The following TGM4 variants were observed in gnomAD, a reference collection of about 807,000 sequenced individuals.
TGM4 encodes protein-glutamine gamma-glutamyltransferase 4.
In TGM4, 61 loss-of-function variants were observed where a neutral mutation model predicts 76.3. The observed-to-expected ratio is 0.80, with a 90% CI of 0.65 to 0.99. The LOEUF (loss-of-function observed/expected upper bound fraction) is 0.99, where lower values mean the gene tolerates loss of function less well. Ranked by LOEUF, TGM4 falls within the 50% of genes least tolerant of loss-of-function variation. The pLI is 0.00. For synonymous variants in TGM4, 337 were observed against 329.8 expected, an observed-to-expected ratio of 1.02 and a Z score of -0.24; for missense variants, 794 against 843.2, an observed-to-expected ratio of 0.94 and a Z score of 0.72.
intron 4 of TGM4, 72 bp from the exon 5 acceptor site, chr3:44,893,505 A>G: frequency 7.7e-7 from 1 of 1,295,816 alleles, no homozygotes; most frequent in Non-Finnish European, 1.1e-6. Flanking sequence ...CAGCACAGAC[A>G]GTCCCCATTG....
intron 10 of TGM4, among the ~76,000 whole-genome samples, chr3:44,909,010 C>G (rs1699964519): frequency 6.6e-6 from 1 of 152,218 alleles, no homozygotes; most frequent in African/African-American, 2.4e-5. Context: ...TGTTTAACAA[C>G]TTCTCTGATA....
intron 9 of TGM4, among the ~76,000 whole-genome samples, chr3:44,905,685 C>T (rs1240031833): frequency 6.6e-6 from 1 of 152,212 alleles, no homozygotes; most frequent in Non-Finnish European, 1.5e-5. Flanking sequence ...GCAATGTGAG[C>T]CCACATGGCC....
chr3:44,878,747 G>T (rs969236696), intron 1 of TGM4, among the ~76,000 whole-genome samples: 5 of 152,066 alleles, frequency 3.3e-5, no homozygotes, highest in Non-Finnish European at 5.9e-5. Context: ...CTCCCAAAAT[G>T]CTGGGATTAC....
intron 3 of TGM4, chr3:44,888,294 C>T (rs572109436): frequency 6.2e-6 from 1 of 161,608 alleles, no homozygotes; most frequent in South Asian, 1.7e-4. Context: ...ACAGTTGTCT[C>T]CAATCTTCCA....
chr3:44,903,854 G>A (rs370090829), intron 8 of TGM4, 30 bp from the exon 9 acceptor site: 200 of 1,606,870 alleles, frequency 1.2e-4, no homozygotes, highest in Non-Finnish European at 1.6e-4. Context: ...GGGGTGGTCC[G>A]GGGTGGGGCC....
In TGM4 at chr3:44,903,803, G is replaced by A. The variant is rs1461564482; in HGVS notation, c.972-81G>A. 4.6e-6 allele frequency: 6 copies of A among 1,297,444 alleles called. No homozygotes were observed. The African/African-American group carries it at 7.3e-5, about 16-fold the overall frequency. The allele number at this position is 1,297,444 out of a possible 1,614,324, so 80.4% of individuals were successfully genotyped here. ...TCAGTGGGTCCCCGGTGATGAAGATGTCTCTGGCAATTTTGGCGTATTTAT... is the reference window on the plus strand; with the variant it reads ...TCAGTGGGTCCCCGGTGATGAAGATATCTCTGGCAATTTTGGCGTATTTAT... On this transcript the variant is annotated intron_variant, in intron 8 of 13. Transcript: ENST00000296125.
chr3:44,878,466 T>G (rs1471240074), intron 1 of TGM4, among the ~76,000 whole-genome samples: 1 of 142,872 alleles, frequency 7.0e-6, no homozygotes, highest in Non-Finnish European at 1.5e-5. Flanking sequence ...TTATTATTAT[T>G]ATTATTATTA....
chr3:44,887,332 C>T (rs551550394), intron 2 of TGM4, among the ~76,000 whole-genome samples: 6 of 152,272 alleles, frequency 3.9e-5, no homozygotes, highest in South Asian at 2.1e-4. Context: ...CCCTGCATTG[C>T]GTGGAGTGAA....
In TGM4 at chr3:44,913,649, A is replaced by G. The variant is rs749937089; in HGVS notation, c.1979A>G (p.Lys660Arg). The G allele has an allele frequency of 1.9e-6, 3 of 1,614,218 alleles. No homozygotes were observed. Among genetic ancestry groups the G allele is most frequent in the Non-Finnish European group, 2.5e-6 (3 of 1,180,036 alleles). ...IKCTPIKTGP[K>R]KFIVKLSSKQ... is the part of the protein sequence containing the mutation. ...TGCACCCCAATAAAAACTGGACCCA[A>G]GAAATTTATCGTCAAGTTAAGTTCC... Residue 660 changes from lysine to arginine, a missense_variant, in exon 14 of 14, where the codon AAG becomes AGG. Physicochemically the swap from Lys to Arg is conservative, Grantham distance 26. Transcript: ENST00000296125.
At chr3:44,912,416 C>CAT (rs1491575866) in intron 13 of TGM4, among the ~76,000 whole-genome samples, 1 of 152,068 alleles carries the variant, frequency 6.6e-6, no homozygotes, top group African/African-American at 2.4e-5. Context: ...TGTCAATTCC[C>CAT]ATATATATCT....
In TGM4 at chr3:44,910,437, C is replaced by G; in HGVS notation, c.1606+69C>G. The G allele has an allele frequency of 2.0e-6, 3 of 1,535,946 alleles. No homozygotes were observed. The South Asian group carries it at 3.7e-5, about 19-fold the overall frequency. ...TCCCACAATCTGAAATCCCTCTTCT[C>G]CTCTGTGGACAACTTCCATACATTG... On this transcript the variant is annotated intron_variant, in intron 11 of 13. Transcript: ENST00000296125.
chr3:44,905,435 C>G (rs550000495), intron 9 of TGM4, among the ~76,000 whole-genome samples: 1 of 152,304 alleles, frequency 6.6e-6, no homozygotes, highest in East Asian at 1.9e-4. Flanking sequence ...ACTCCTGCAG[C>G]CCCTGAAGTA....
chr3:44,910,623 T>C (rs1699990732), intron 11 of TGM4, among the ~76,000 whole-genome samples: 1 of 152,170 alleles, frequency 6.6e-6, no homozygotes, highest in Non-Finnish European at 1.5e-5. Context: ...GAAAGTGTCA[T>C]GAGAAGTCTT....
At chr3:44,896,920 T>C in intron 6 of TGM4, 104 bp downstream of exon 6, 1 of 835,732 alleles carries the variant, frequency 1.2e-6, no homozygotes, top group Admixed American at 2.1e-5. Context: ...AGTACACCAC[T>C]GTGCTATGGC....
chr3:44,898,440 A>T (rs1376595773), intron 6 of TGM4, among the ~76,000 whole-genome samples: 3 of 152,194 alleles, frequency 2.0e-5, no homozygotes, highest in Non-Finnish European at 4.4e-5. Flanking sequence ...TTGTACACTT[A>T]TGAGAGAATG....
At chr3:44,900,781 T>C (rs1307982360) in intron 6 of TGM4, 1 of 152,204 alleles carries the variant, frequency 6.6e-6, no homozygotes, top group African/African-American at 2.4e-5. Flanking sequence ...ATTAAGTGCT[T>C]TCAAAGGTGA....
intron 6 of TGM4, among the ~76,000 whole-genome samples, chr3:44,897,603 A>G (rs1463495255): frequency 6.6e-6 from 1 of 152,194 alleles, no homozygotes; most frequent in African/African-American, 2.4e-5. Flanking sequence ...GTTTGTTCAG[A>G]GTGGCAGTTC....
intron 3 of TGM4, chr3:44,888,935 C>T (rs1482430335): frequency 6.6e-6 from 1 of 152,048 alleles, no homozygotes; most frequent in Non-Finnish European, 1.5e-5. Context: ...ACCTCTTGGG[C>T]TACCTCTGTG....
In TGM4 at chr3:44,913,681, G is replaced by C. The variant is rs754823414; in HGVS notation, c.2011G>C (p.Val671Leu). 9.3e-6 allele frequency: 15 copies of C among 1,614,108 alleles called. No individual in the cohort carries two copies. In the South Asian group the frequency reaches 1.1e-4, roughly 12 times the overall value. Reference protein sequence around the residue: ...KFIVKLSSKQVKEINAQKIVL... With the variant: ...KFIVKLSSKQLKEINAQKIVL... ...TATCGTCAAGTTAAGTTCCAAACAA[G>C]TGAAAGAGATTAATGCTCAGAAGAT... Residue 671 changes from valine (V) to leucine (L), a missense_variant, in exon 14 of 14, where the codon GTG becomes CTG. By Grantham distance (32) the Val-to-Leu change is conservative (BLOSUM62 1). Coordinates refer to ENST00000296125, the MANE Select transcript of TGM4 (RefSeq NM_003241.4).
Sources: allele counts gnomAD v4.1 joint callset (sites outside exome capture counted in the v4.1 genomes callset), GRCh38; gene constraint gnomAD v4.1.1; transcripts MANE v1.5; gene names NCBI Gene and HGNC (gene_info 2026-07-23, HGNC 2026-07-21).